IL1RAPL1: variants seen among roughly 807,000 people sequenced by gnomAD.
The protein encoded by IL1RAPL1 is interleukin-1 receptor accessory protein-like 1.
IL1RAPL1 carries 3 observed loss-of-function variants against 48.4 expected under a neutral mutation model. The observed-to-expected ratio is 0.06, with a 90% CI of 0.03 to 0.16. The LOEUF is 0.16. IL1RAPL1 is among the 10% of genes least tolerant of loss of function. The pLI is 1.00. For missense variants in IL1RAPL1, 349 were observed against 530.6 expected (o/e 0.66, Z 3.36); for synonymous variants, 185 against 187.7 (o/e 0.99, Z 0.12).
chrX:29,339,541 G>T (rs955599584), intron 3 of IL1RAPL1, among the ~76,000 whole-genome samples: 2 of 111,724 alleles, frequency 1.8e-5, no homozygotes, highest in African/African-American at 6.5e-5. Context: ...TTCTAGATAT[G>T]CAGTATTATT....
At chrX:29,228,357 G>GTT (rs1385417334) in intron 2 of IL1RAPL1, among the ~76,000 whole-genome samples, 1 of 103,213 alleles carries the variant, frequency 9.7e-6, no homozygotes, top group East Asian at 3.1e-4. Context: ...GTGTGTGTGT[G>GTT]TGTGTGTGTG....
At chrX:29,106,160 T>C (rs1296733772) in intron 2 of IL1RAPL1, among the ~76,000 whole-genome samples, 3 of 111,915 alleles carry the variant, frequency 2.7e-5, no homozygotes, top group Non-Finnish European at 5.6e-5. Flanking sequence ...AGAACTTTTG[T>C]GAAAGATAGG....
At chrX:29,417,261 T>C (rs1431284683) in intron 5 of IL1RAPL1, among the ~76,000 whole-genome samples, 2 of 112,022 alleles carry the variant, frequency 1.8e-5, no homozygotes, top group Non-Finnish European at 3.8e-5. Context: ...AAAACTATTT[T>C]TGAGAAAACT....
rs755146759 is a variant in IL1RAPL1, at chrX:29,833,053, T to TA, written c.779-84405dup. ...CCCCCTGCTAAGGTACAAATATCAGTAAAAAATGTGTATATTTGAAGTATT... is the reference window on the plus strand; with the variant it reads ...CCCCCTGCTAAGGTACAAATATCAGTAAAAAAATGTGTATATTTGAAGTATT... On this transcript the variant is annotated intron_variant, in intron 6 of 10. Coordinates refer to ENST00000378993, the MANE Select transcript of IL1RAPL1 (RefSeq NM_014271.4). 5.4e-5 allele frequency among the ~76,000 whole-genome samples: 6 copies of TA among 111,470 alleles called. No homozygotes were observed. The East Asian group carries it at 1.7e-3, about 31-fold the overall frequency.
At chrX:28,994,063 T>C (rs1315767454) in intron 2 of IL1RAPL1, among the ~76,000 whole-genome samples, 2 of 110,429 alleles carry the variant, frequency 1.8e-5, no homozygotes, top group Non-Finnish European at 1.9e-5. Flanking sequence ...GAATGAGGCA[T>C]TTTAAGAAAA....
rs755589131 is a variant in IL1RAPL1, at chrX:29,593,634, A to G, written c.704-74796A>G. 6.0e-4 allele frequency among the ~76,000 whole-genome samples: 67 copies of G among 111,961 alleles called. 1 individual carries two copies. Among genetic ancestry groups the G allele is most frequent in the African/African-American group, 1.4e-3 (42 of 30,882 alleles). ...ACGTTCATTTCAATATCCTTGATCAATATTCTAGTATGTATTCTTTATATT... is the reference window on the plus strand; with the variant it reads ...ACGTTCATTTCAATATCCTTGATCAGTATTCTAGTATGTATTCTTTATATT... On this transcript the variant is annotated intron_variant, in intron 5 of 10. Coordinates refer to ENST00000378993, the MANE Select transcript of IL1RAPL1 (RefSeq NM_014271.4).
intron 6 of IL1RAPL1, among the ~76,000 whole-genome samples, chrX:29,736,681 G>A (rs992880163): frequency 1.4e-4 from 16 of 111,176 alleles, no homozygotes; most frequent in African/African-American, 3.6e-4. Context: ...AGCCGAGATC[G>A]TGCCAGTGCA....
chrX:29,228,186 A>G (rs1602122827), intron 2 of IL1RAPL1, among the ~76,000 whole-genome samples: 1 of 22,529 alleles, frequency 4.4e-5, no homozygotes, highest in African/African-American at 1.1e-4. Flanking sequence ...GTGCACACAC[A>G]CACACACACA....
At chrX:28,890,028 C>A (rs1569193614) in intron 2 of IL1RAPL1, among the ~76,000 whole-genome samples, 1 of 111,339 alleles carries the variant, frequency 9.0e-6, no homozygotes, top group Non-Finnish European at 1.9e-5. Flanking sequence ...TTTAACAGAA[C>A]GTGCCTTTTT....
At chrX:29,581,665 A>G (rs956519091) in intron 5 of IL1RAPL1, among the ~76,000 whole-genome samples, 5 of 111,350 alleles carry the variant, frequency 4.5e-5, no homozygotes, top group African/African-American at 1.6e-4. Context: ...TTTTTTTTAA[A>G]TCTTCGAATT....
At chrX:29,683,801 T>G (rs1016087860) in intron 6 of IL1RAPL1, among the ~76,000 whole-genome samples, 39 of 112,315 alleles carry the variant, frequency 3.5e-4, no homozygotes, top group Middle Eastern at 4.6e-3. Context: ...CTAGTAATAA[T>G]TCCATTGAAT....
rs187560736 is a variant in IL1RAPL1 at position 28,937,183 on chromosome X, T to G, written c.82+147758T>G. Among the ~76,000 whole-genome samples, 391 of 111,805 alleles carry G rather than the reference T, an allele frequency of 3.5e-3. 3 individuals carry two copies. Among genetic ancestry groups the G allele is most frequent in the African/African-American group, 0.012 (364 of 30,904 alleles). ...TACTCTCTGAAAACAATAAATAACA[T>G]TTGGCCTTTTGTGTTACCGTTTCTA... is the stretch of plus-strand genomic sequence containing the variant. On this transcript the variant is annotated intron_variant, in intron 2 of 10. Transcript: ENST00000378993.
intron 3 of IL1RAPL1, among the ~76,000 whole-genome samples, chrX:29,382,158 C>T (rs746424630): frequency 2.4e-4 from 26 of 110,635 alleles, no homozygotes; most frequent in Admixed American, 4.8e-4. Context: ...AAATGGTGTC[C>T]AGTTAATCAT....
chrX:29,055,532 C>T (rs1487031489), intron 2 of IL1RAPL1, among the ~76,000 whole-genome samples: 2 of 111,627 alleles, frequency 1.8e-5, no homozygotes, highest in Admixed American at 1.9e-4. Flanking sequence ...GACATTCTCT[C>T]AAATTATAGT....
chrX:29,058,179 T>G (rs1927264382), intron 2 of IL1RAPL1, among the ~76,000 whole-genome samples: 1 of 110,004 alleles, frequency 9.1e-6, no homozygotes, highest in South Asian at 3.9e-4. Flanking sequence ...ATCGAGACCA[T>G]CCTGGCCTAC....
At chrX:28,722,893 G>A (rs986716388) in intron 1 of IL1RAPL1, among the ~76,000 whole-genome samples, 3 of 111,532 alleles carry the variant, frequency 2.7e-5, no homozygotes, top group South Asian at 3.7e-4. Context: ...GCTGGATTAC[G>A]TTTATTGATT....
intron 6 of IL1RAPL1, among the ~76,000 whole-genome samples, chrX:29,686,981 TAA>T (rs202212925): frequency 3.0e-4 from 29 of 98,258 alleles, no homozygotes; most frequent in African/African-American, 1.0e-3. Context: ...ATGGCTACTA[TAA>T]AAAAAAAAAA....
intron 6 of IL1RAPL1, among the ~76,000 whole-genome samples, chrX:29,872,729 G>A (rs887944470): frequency 4.5e-5 from 5 of 111,874 alleles, no homozygotes; most frequent in Non-Finnish European, 9.4e-5. Context: ...TCTCCCATTT[G>A]CCTACACAGA....
At chrX:29,229,143 T>A (rs1337138444) in intron 2 of IL1RAPL1, among the ~76,000 whole-genome samples, 1 of 112,179 alleles carries the variant, frequency 8.9e-6, no homozygotes, top group African/African-American at 3.2e-5. Context: ...TTTCTCCTTT[T>A]AAAGAAGTGT....
Sources: gnomAD v4.1 joint callset for allele counts (sites outside exome capture counted in the v4.1 genomes callset) on GRCh38, gnomAD v4.1.1 for gene constraint, MANE v1.5 for transcripts, NCBI Gene and HGNC (gene_info 2026-07-23, HGNC 2026-07-21) for gene names.